The following ALK variants were observed in gnomAD, a reference collection of about 807,000 sequenced individuals.
The protein encoded by ALK is ALK receptor tyrosine kinase.
In ALK, 74 loss-of-function variants were observed where a neutral mutation model predicts 163.1. That is an observed-to-expected ratio of 0.45 (90% CI 0.38 to 0.55). The LOEUF (loss-of-function observed/expected upper bound fraction) is 0.55, where lower values mean the gene tolerates loss of function less well. Ranked by LOEUF, ALK falls within the 20% of genes least tolerant of loss-of-function variation. The probability of loss-of-function intolerance (pLI) is 0.00; values close to 1 mark genes in which losing one functional copy is unlikely to be tolerated. For synonymous variants in ALK, 960 were observed against 843.2 expected (o/e 1.14, Z -2.40); for missense variants, 2,063 against 2,105.3 (o/e 0.98, Z 0.39).
At chr2:29,765,934 C>T (rs184877363) in intron 1 of ALK, among the ~76,000 whole-genome samples, 3 of 152,222 alleles carry the variant, frequency 2.0e-5, no homozygotes, top group East Asian at 1.9e-4. Context: ...TCAGATCTTG[C>T]GAGCTTATGT....
chr2:29,391,006 G>A (rs887977098), intron 4 of ALK, among the ~76,000 whole-genome samples: 5 of 152,162 alleles, frequency 3.3e-5, no homozygotes, highest in South Asian at 4.1e-4. Flanking sequence ...ATGGCCCAGC[G>A]TGGAGAAGAG....
intron 3 of ALK, among the ~76,000 whole-genome samples, chr2:29,562,560 C>A (rs540549567): frequency 6.6e-6 from 1 of 152,164 alleles, no homozygotes; most frequent in Non-Finnish European, 1.5e-5. Context: ...AAGGCCATTA[C>A]ACTCCTAGTA....
intron 2 of ALK, among the ~76,000 whole-genome samples, chr2:29,702,720 G>A (rs957352695): frequency 6.6e-6 from 1 of 152,256 alleles, no homozygotes; most frequent in African/African-American, 2.4e-5. Context: ...AAGCGAAAGA[G>A]GAGAAATGCA....
At chr2:29,528,394 C>G (rs547553174) in intron 4 of ALK, among the ~76,000 whole-genome samples, 1 of 152,330 alleles carries the variant, frequency 6.6e-6, no homozygotes, top group African/African-American at 2.4e-5. Context: ...TGAGACACAT[C>G]AGAATGGCAG....
chr2:29,564,365 C>T (rs1674114567), intron 3 of ALK, among the ~76,000 whole-genome samples: 1 of 152,098 alleles, frequency 6.6e-6, no homozygotes, highest in Non-Finnish European at 1.5e-5. Context: ...CAGACACTGT[C>T]AAATGGATCT....
At chr2:29,239,420 C>G in intron 13 of ALK, among the ~76,000 whole-genome samples, 1 of 152,154 alleles carries the variant, frequency 6.6e-6, no homozygotes, top group Non-Finnish European at 1.5e-5. Context: ...GAGCCTGGCC[C>G]AACCAGGAGA....
chr2:29,415,471 A>G (rs946178813), intron 4 of ALK, among the ~76,000 whole-genome samples: 5 of 151,928 alleles, frequency 3.3e-5, no homozygotes, highest in Admixed American at 2.0e-4. Flanking sequence ...CTCCTTAAGA[A>G]CTCTTTCTAT....
intron 3 of ALK, among the ~76,000 whole-genome samples, chr2:29,648,484 TC>T (rs1676949171): frequency 6.6e-6 from 1 of 152,162 alleles, no homozygotes; most frequent in Non-Finnish European, 1.5e-5. Flanking sequence ...AACTCTGTGC[TC>T]ATTAAACACC....
intron 7 of ALK, among the ~76,000 whole-genome samples, chr2:29,318,655 C>T (rs1010067939): frequency 6.6e-6 from 1 of 151,924 alleles, no homozygotes; most frequent in Non-Finnish European, 1.5e-5. Context: ...CAAGCTCCGC[C>T]TCCCGGGTTC....
intron 1 of ALK, among the ~76,000 whole-genome samples, chr2:29,833,341 C>T (rs577793899): frequency 4.6e-5 from 7 of 152,322 alleles, no homozygotes; most frequent in Non-Finnish European, 7.3e-5. Flanking sequence ...CAGCAGCCTC[C>T]GGGCTTGGCC....
intron 1 of ALK, among the ~76,000 whole-genome samples, chr2:29,769,635 C>T (rs1680961359): frequency 6.6e-6 from 1 of 152,192 alleles, no homozygotes; most frequent in Non-Finnish European, 1.5e-5. Flanking sequence ...AACTATTAAG[C>T]ATGTGGATGC....
chr2:29,706,895 TAA>T (rs1678925344), intron 2 of ALK, among the ~76,000 whole-genome samples: 1 of 151,518 alleles, frequency 6.6e-6, no homozygotes, highest in Admixed American at 6.6e-5. Flanking sequence ...CTTGGAGCAG[TAA>T]GAGAGTTGAG....
rs1162822317 is a variant in ALK at position 29,355,636 on chromosome 2, C to T, written c.1283-27155G>A. Among the ~76,000 whole-genome samples the T allele has an allele frequency of 2.0e-5, 3 of 152,312 alleles. 1 individual carries two copies. The highest frequency in any genetic ancestry group is 4.1e-4 in the South Asian group (2 of 4,828). On this transcript the variant is annotated intron_variant, in intron 5 of 28. Coordinates refer to ENST00000389048, the MANE Select transcript of ALK (RefSeq NM_004304.5). ...TGCACTGGAAGGGAAAGACTTTTAG[C>T]TACAGGAAGCAGTTCTGCTGATTCG...
intron 2 of ALK, among the ~76,000 whole-genome samples, chr2:29,716,994 TCCAAAA>T (rs1679276303): frequency 2.0e-5 from 2 of 98,612 alleles, no homozygotes; most frequent in Non-Finnish European, 3.8e-5. Flanking sequence ...CTACCAAAAA[TCCAAAA>T]AAAAAAAAAA....
intron 7 of ALK, among the ~76,000 whole-genome samples, chr2:29,320,365 G>T (rs1666989475): frequency 6.6e-6 from 1 of 152,188 alleles, no homozygotes; most frequent in Non-Finnish European, 1.5e-5. Context: ...AATGACACAA[G>T]GACTTGCTGT....
chr2:29,876,864 C>G (rs764388386), intron 1 of ALK, among the ~76,000 whole-genome samples: 1 of 152,016 alleles, frequency 6.6e-6, no homozygotes, highest in African/African-American at 2.4e-5. Flanking sequence ...CTTTAGAATG[C>G]TCTGTGTTTG....
intron 15 of ALK, among the ~76,000 whole-genome samples, chr2:29,231,902 G>T (rs921910731): frequency 5.3e-5 from 8 of 152,310 alleles, no homozygotes; most frequent in Admixed American, 2.6e-4. Context: ...GCAGCCCAGG[G>T]CCTGGAGGTC....
chr2:29,609,873 C>A (rs1478651582), intron 3 of ALK, among the ~76,000 whole-genome samples: 1 of 152,086 alleles, frequency 6.6e-6, no homozygotes, highest in East Asian at 1.9e-4. Context: ...AACTCCTGGC[C>A]TCAAGTGACC....
chr2:29,812,604 G>C (rs909395133), intron 1 of ALK, among the ~76,000 whole-genome samples: 2 of 152,108 alleles, frequency 1.3e-5, no homozygotes, highest in African/African-American at 4.8e-5. Context: ...AACTCCATTT[G>C]CCTTTTACCA....
Sources: allele counts gnomAD v4.1 joint callset (sites outside exome capture counted in the v4.1 genomes callset), GRCh38; gene constraint gnomAD v4.1.1; transcripts MANE v1.5; gene names NCBI Gene and HGNC (gene_info 2026-07-23, HGNC 2026-07-21).